CIB2: variants seen among roughly 807,000 people sequenced by gnomAD.
The protein encoded by CIB2 is calcium and integrin-binding family member 2.
CIB2 carries 19 observed loss-of-function variants against 23.1 expected under a neutral mutation model. That is an observed-to-expected ratio of 0.82 (90% CI 0.57 to 1.21). The LOEUF is 1.21. Ranked by LOEUF, CIB2 falls within the 50% of genes most tolerant of loss-of-function variation. The pLI is 0.00. For missense variants in CIB2, 220 were observed against 241.5 expected, an observed-to-expected ratio of 0.91 and a Z score of 0.59; for synonymous variants, 94 against 91.7, an observed-to-expected ratio of 1.03 and a Z score of -0.14.
chr15:78,123,731 G>A lies in CIB2; in HGVS notation c.60C>T (p.Thr20=). The A allele has an allele frequency of 1.9e-6, 3 of 1,614,108 alleles. No individual in the cohort carries two copies. Among genetic ancestry groups the A allele is most frequent in the Non-Finnish European group, 1.7e-6 (2 of 1,179,972 alleles). Reference sequence around the variant, plus strand: ...TGAGGATGTCCTTCTTATTGAAGAAGGTGCAGTCCTGTTGAGGGAAAACAC... The same window carrying A: ...TGAGGATGTCCTTCTTATTGAAGAAAGTGCAGTCCTGTTGAGGGAAAACAC... ...EEQLDNYQDC[T]FFNKKDILKL... The change falls in exon 2 of 6, where the codon ACC becomes ACT. Residue 20 remains threonine, a synonymous_variant. Transcript: ENST00000258930.
At position 78,131,138 on chromosome 15, in the gene CIB2, G is replaced by A. The variant is rs766309761; in HGVS notation, c.51+27C>T. 5.0e-5 allele frequency: 79 copies of A among 1,565,678 alleles called. No individual in the cohort carries two copies. The African/African-American group carries it at 8.4e-4, about 17-fold the overall frequency. On this transcript the variant is annotated intron_variant, in intron 1 of 5. Coordinates refer to ENST00000258930, the MANE Select transcript of CIB2 (RefSeq NM_006383.4). This position sits in a 1 kb window ranked among gnomAD's most constrained non-coding sequence, Gnocchi z 5.8. ...GGGGCGGCGGGGCGGCGGGGCCTGT[G>A]TTGGGGGCCGGGCGCGCCGAGCTCA... is the stretch of plus-strand genomic sequence containing the variant.
intron 2 of CIB2, chr15:78,120,594 G>A: frequency 1.0e-6 from 1 of 985,298 alleles, no homozygotes; most frequent in Non-Finnish European, 1.2e-6. Flanking sequence ...GACTGAATAG[G>A]GTGGGCTGCC....
chr15:78,114,153 T>A (rs2074203328), intron 2 of CIB2, among the ~76,000 whole-genome samples: 1 of 152,228 alleles, frequency 6.6e-6, no homozygotes, highest in Non-Finnish European at 1.5e-5. Flanking sequence ...GCTTTTAGCA[T>A]GCTGCCTGCC....
chr15:78,111,396 G>C (rs564103929), intron 2 of CIB2, 120 bp from the exon 3 acceptor site: 1 of 734,772 alleles, frequency 1.4e-6, no homozygotes, highest in East Asian at 2.7e-5. Flanking sequence ...ACCAGGTAAG[G>C]GGCCAATGGG....
intron 3 of CIB2, chr15:78,110,669 C>T (rs1030996475): frequency 3.1e-5 from 14 of 456,018 alleles, no homozygotes; most frequent in East Asian, 6.9e-5. Flanking sequence ...GGAACTTGCT[C>T]GAAAAGCAGA....
At chr15:78,107,319 A>C (rs2074086789) in intron 4 of CIB2, among the ~76,000 whole-genome samples, 1 of 152,194 alleles carries the variant, frequency 6.6e-6, no homozygotes, top group Non-Finnish European at 1.5e-5. Flanking sequence ...CCTAGAGCCC[A>C]AGCTCTTGGG....
intron 2 of CIB2, among the ~76,000 whole-genome samples, chr15:78,120,115 A>C (rs2074298262): frequency 6.6e-6 from 1 of 151,802 alleles, no homozygotes; most frequent in Non-Finnish European, 1.5e-5. Context: ...TGTTGGCCAG[A>C]CTGGTCACAA....
intron 2 of CIB2, 36 bp from the exon 3 acceptor site, chr15:78,111,312 T>G: frequency 2.0e-6 from 3 of 1,527,046 alleles, no homozygotes; most frequent in African/African-American, 1.4e-5. Flanking sequence ...CTGGAGGGGG[T>G]GCCATCCCTA....
At chr15:78,115,550 C>T (rs1045652554) in intron 2 of CIB2, among the ~76,000 whole-genome samples, 7 of 151,626 alleles carry the variant, frequency 4.6e-5, no homozygotes, top group Admixed American at 3.3e-4. Flanking sequence ...CATGAGCCAC[C>T]GCACCTGGTC....
chr15:78,127,418 G>C (rs1400468276), intron 1 of CIB2, among the ~76,000 whole-genome samples: 1 of 152,138 alleles, frequency 6.6e-6, no homozygotes, highest in African/African-American at 2.4e-5. Flanking sequence ...AGGAGAGAGG[G>C]GGCCTAACCC....
chr15:78,113,066 A>C (rs564584072), intron 2 of CIB2, among the ~76,000 whole-genome samples: 1 of 152,330 alleles, frequency 6.6e-6, no homozygotes, highest in South Asian at 2.1e-4. Context: ...ACTGAGGCTC[A>C]AGAATCAAGT....
intron 2 of CIB2, among the ~76,000 whole-genome samples, chr15:78,116,034 A>G (rs1273456534): frequency 6.6e-6 from 1 of 152,136 alleles, no homozygotes; most frequent in African/African-American, 2.4e-5. Flanking sequence ...CTAAACATGT[A>G]TAGATTTTTT....
chr15:78,126,534 C>T lies in CIB2; in HGVS notation c.52-2795G>A, dbSNP rs948978989. ...AAAGATCCTCTGTGCTTCTTGGCCA[C>T]TGCCTATGACTACAAACAGAGCCAT... On this transcript the variant is annotated intron_variant, in intron 1 of 5. Transcript: ENST00000258930. Among the ~76,000 whole-genome samples, 89 of 152,186 alleles carry T rather than the reference C, an allele frequency of 5.8e-4. 3 individuals are homozygous for T. The highest frequency in any genetic ancestry group is 5.4e-4 in the Non-Finnish European group (37 of 68,044).
At chr15:78,108,741 C>T (rs930779581) in intron 4 of CIB2, among the ~76,000 whole-genome samples, 2 of 152,234 alleles carry the variant, frequency 1.3e-5, no homozygotes, top group Admixed American at 6.5e-5. Flanking sequence ...GGAAACCTTG[C>T]AGTGGCCCTG....
intron 2 of CIB2, among the ~76,000 whole-genome samples, chr15:78,118,556 T>C (rs2074272539): frequency 1.4e-5 from 2 of 139,760 alleles, no homozygotes; most frequent in African/African-American, 5.5e-5. Context: ...GCCATTGCAC[T>C]CCAGCCTGGG....
At chr15:78,113,435 T>C (rs1202232337) in intron 2 of CIB2, among the ~76,000 whole-genome samples, 1 of 152,208 alleles carries the variant, frequency 6.6e-6, no homozygotes, top group Non-Finnish European at 1.5e-5. Context: ...TTGCTCCTAT[T>C]TCTTGCATAG....
At position 78,131,210 on chromosome 15, in the gene CIB2, C is replaced by G; in HGVS notation, c.6G>C (p.Gly2=). The G allele has an allele frequency of 6.5e-7, 1 of 1,533,372 alleles. No individual in the cohort carries two copies. Among genetic ancestry groups the G allele is most frequent in the Non-Finnish European group, 8.8e-7 (1 of 1,138,566 alleles). The allele number at this position is 1,533,372 out of a possible 1,614,324, so 95.0% of individuals were successfully genotyped here. A position where few individuals can be genotyped will look rare whatever the true frequency, so the allele number is the denominator to read the frequency against. Residue 2 remains glycine (G), a synonymous_variant, in exon 1 of 6, where the codon GGG becomes GGC. Coordinates refer to ENST00000258930, the MANE Select transcript of CIB2 (RefSeq NM_006383.4). This position sits in a 1 kb window ranked among gnomAD's most constrained non-coding sequence, Gnocchi z 5.8. ...CTTCGGTGAAGATGGTCTGCTTGTT[C>G]CCCATGGTGGCCGCCGCGCCGCCGC... is the stretch of plus-strand genomic sequence containing the variant. M[G]NKQTIFTEEQ...
At chr15:78,120,012 C>T (rs1318684379) in intron 2 of CIB2, among the ~76,000 whole-genome samples, 5 of 151,760 alleles carry the variant, frequency 3.3e-5, no homozygotes, top group African/African-American at 1.2e-4. Context: ...GCACTTCTCC[C>T]ACCTCAGCCT....
chr15:78,108,432 C>G (rs1421769668), intron 4 of CIB2, among the ~76,000 whole-genome samples: 2 of 152,118 alleles, frequency 1.3e-5, no homozygotes, highest in Non-Finnish European at 2.9e-5. Flanking sequence ...GTCAGGCCAG[C>G]AGAGGGGGTG....
Sources: gnomAD v4.1 joint callset for allele counts (sites outside exome capture counted in the v4.1 genomes callset) on GRCh38, gnomAD v4.1.1 for gene constraint, Gnocchi (gnomAD v3.1) non-coding constraint, MANE v1.5 for transcripts, NCBI Gene and HGNC (gene_info 2026-07-23, HGNC 2026-07-21) for gene names.